Variants in CPQ observed in about 807,000 individuals in gnomAD.
CPQ encodes the protein Ser-Met dipeptidase.
In CPQ, 37 loss-of-function variants were observed where a neutral mutation model predicts 45.7. The ratio of observed to expected loss-of-function variants is 0.81; its 90% CI spans 0.62 to 1.07. The LOEUF is 1.07. Among genes scored for constraint, CPQ ranks in the 50% least tolerant of loss-of-function variants. The pLI is 0.00. For missense variants in CPQ, 537 were observed against 572.9 expected (o/e 0.94, Z 0.64); for synonymous variants, 186 against 205.8 (o/e 0.90, Z 0.82).
At chr8:96,788,455 C>T (rs555579307) in intron 2 of CPQ, among the ~76,000 whole-genome samples, 135 of 152,178 alleles carry the variant, frequency 8.9e-4, no homozygotes, top group African/African-American at 3.0e-3. Flanking sequence ...CCACCATGCC[C>T]GGCCTGGACT....
At chr8:96,696,639 A>T (rs969538823) in intron 1 of CPQ, among the ~76,000 whole-genome samples, 3 of 152,108 alleles carry the variant, frequency 2.0e-5, no homozygotes, top group Non-Finnish European at 4.4e-5. Flanking sequence ...GGCTAAGAAA[A>T]AAAGAGAGAC....
chr8:96,970,031 G>C (rs1474042979), intron 5 of CPQ, among the ~76,000 whole-genome samples: 4 of 152,186 alleles, frequency 2.6e-5, no homozygotes, highest in Non-Finnish European at 5.9e-5. Flanking sequence ...TGTAGCTAGA[G>C]CCTTATGCAG....
intron 5 of CPQ, among the ~76,000 whole-genome samples, chr8:96,969,293 T>C (rs1813622563): frequency 6.6e-6 from 1 of 152,262 alleles, no homozygotes; most frequent in East Asian, 1.9e-4. Context: ...TTTATTGGTA[T>C]GTTTCTTCAT....
intron 1 of CPQ, among the ~76,000 whole-genome samples, chr8:96,698,139 G>A (rs952875076): frequency 9.2e-5 from 14 of 151,636 alleles, no homozygotes; most frequent in African/African-American, 3.4e-4. Context: ...GTATGGCACT[G>A]GCATAAAAAC....
chr8:96,966,589 C>T (rs1813568554), intron 5 of CPQ, among the ~76,000 whole-genome samples: 1 of 152,180 alleles, frequency 6.6e-6, no homozygotes, highest in Admixed American at 6.5e-5. Flanking sequence ...CCACTAGAAG[C>T]CAGTAGCACC....
In CPQ at chr8:97,143,232, T is replaced by A; in HGVS notation, c.*49T>A. 1 of 1,591,242 alleles carries A rather than the reference T, an allele frequency of 6.3e-7. No individual in the cohort carries two copies. ...CATGCTTCTGGCCAGGAATCCTGGGTCTGCAACTTTGGAAAACTCCTCTTC... is the reference window on the plus strand; with the variant it reads ...CATGCTTCTGGCCAGGAATCCTGGGACTGCAACTTTGGAAAACTCCTCTTC... On this transcript the variant is annotated 3_prime_UTR_variant, in exon 8 of 8. Transcript: ENST00000220763.
chr8:96,758,958 T>C (rs1810362725), intron 1 of CPQ, among the ~76,000 whole-genome samples: 1 of 152,128 alleles, frequency 6.6e-6, no homozygotes, highest in Non-Finnish European at 1.5e-5. Flanking sequence ...AGCTTAATGA[T>C]GGGGATAGAA....
intron 6 of CPQ, among the ~76,000 whole-genome samples, chr8:97,063,908 C>T (rs1011482497): frequency 1.3e-5 from 2 of 152,090 alleles, no homozygotes; most frequent in African/African-American, 4.8e-5. Context: ...GTGATGCCTC[C>T]AGCTTTGTTC....
intron 6 of CPQ, chr8:97,055,628 A>T (rs944675739): frequency 1.5e-4 from 23 of 152,226 alleles, no homozygotes; most frequent in African/African-American, 5.5e-4. Flanking sequence ...AGGGAAACTG[A>T]TGGGAAGTTG....
intron 1 of CPQ, among the ~76,000 whole-genome samples, chr8:96,681,357 C>T (rs959603015): frequency 6.6e-6 from 1 of 152,178 alleles, no homozygotes; most frequent in East Asian, 1.9e-4. Context: ...CAGCTCCAGC[C>T]ATGGCTAAAA....
chr8:97,052,857 A>ATTTG (rs1445421087), intron 6 of CPQ, among the ~76,000 whole-genome samples: 1 of 152,196 alleles, frequency 6.6e-6, no homozygotes, highest in African/African-American at 2.4e-5. Context: ...CCTGGAAAGC[A>ATTTG]TTTGTTTTAG....
chr8:97,106,868 T>C (rs1328874933), intron 7 of CPQ, among the ~76,000 whole-genome samples: 1 of 152,142 alleles, frequency 6.6e-6, no homozygotes, highest in Non-Finnish European at 1.5e-5. Context: ...AGTGGAATAC[T>C]AGAAGCCAGT....
chr8:96,763,950 C>T (rs1810437031), intron 1 of CPQ, among the ~76,000 whole-genome samples: 1 of 152,098 alleles, frequency 6.6e-6, no homozygotes, highest in Non-Finnish European at 1.5e-5. Context: ...ACTGGTACAA[C>T]CACTTTGAAA....
At chr8:96,856,818 A>C (rs1811858138) in intron 3 of CPQ, among the ~76,000 whole-genome samples, 1 of 152,244 alleles carries the variant, frequency 6.6e-6, no homozygotes, top group South Asian at 2.1e-4. Context: ...CCTCTTCTCT[A>C]GTGGTTCTGT....
intron 7 of CPQ, among the ~76,000 whole-genome samples, chr8:97,129,415 G>C (rs1431889): frequency 0.25 from 37,812 of 152,014 alleles, 5,251 homozygotes; most frequent in East Asian, 0.62. Flanking sequence ...TCTGTAAAAT[G>C]AGGATAATAA....
At chr8:96,904,580 A>T (rs528220386) in intron 4 of CPQ, among the ~76,000 whole-genome samples, 2 of 152,054 alleles carry the variant, frequency 1.3e-5, no homozygotes, top group South Asian at 4.1e-4. Flanking sequence ...GGGAGAGATT[A>T]TTTATTCTTA....
chr8:96,949,759 G>T (rs1416092263), intron 4 of CPQ, among the ~76,000 whole-genome samples: 5 of 152,064 alleles, frequency 3.3e-5, no homozygotes, highest in African/African-American at 1.2e-4. Flanking sequence ...TCTCCAGTGA[G>T]CCAATTTTAG....
chr8:96,920,373 G>T (rs1812790031), intron 4 of CPQ, among the ~76,000 whole-genome samples: 1 of 152,264 alleles, frequency 6.6e-6, no homozygotes, highest in South Asian at 2.1e-4. Flanking sequence ...AGCTGTTAAT[G>T]TTGCGAGGCC....
intron 5 of CPQ, among the ~76,000 whole-genome samples, chr8:97,024,498 A>G (rs1379502016): frequency 6.6e-6 from 1 of 152,144 alleles, no homozygotes; most frequent in African/African-American, 2.4e-5. Flanking sequence ...TCTTCCAAAA[A>G]CAAAGATCTT....
Sources: gnomAD v4.1 joint callset for allele counts (sites outside exome capture counted in the v4.1 genomes callset) on GRCh38, gnomAD v4.1.1 for gene constraint, MANE v1.5 for transcripts, NCBI Gene and HGNC (gene_info 2026-07-23, HGNC 2026-07-21) for gene names.